Variants in WWOX observed in about 807,000 individuals in gnomAD.
WWOX encodes the protein WW domain-containing oxidoreductase.
A neutral mutation model predicts 46.2 loss-of-function variants in WWOX; 69 were observed. The observed-to-expected ratio is 1.49, with a 90% CI of 1.23 to 1.82. The LOEUF (loss-of-function observed/expected upper bound fraction) is 1.82, where lower values mean the gene tolerates loss of function less well. WWOX is among the 40% of genes most tolerant of loss of function. The pLI, the probability that WWOX is intolerant of heterozygous loss-of-function variation, is 0.00. For synonymous variants in WWOX, 359 were observed against 202.6 expected (o/e 1.77, Z -6.56); for missense variants, 919 against 542.6 (o/e 1.69, Z -6.89).
intron 8 of WWOX, among the ~76,000 whole-genome samples, chr16:78,839,496 G>T (rs573569101): frequency 6.6e-6 from 1 of 152,172 alleles, no homozygotes; most frequent in African/African-American, 2.4e-5. Flanking sequence ...TGCATTTTAT[G>T]TACAGGGCTG....
intron 5 of WWOX, among the ~76,000 whole-genome samples, chr16:78,183,367 G>T (rs564696227): frequency 1.4e-4 from 22 of 152,230 alleles, no homozygotes; most frequent in Middle Eastern, 6.8e-3. Flanking sequence ...CATCACTTTT[G>T]GGTGGCATAG....
rs539828129 is a variant in WWOX at position 78,336,495 on chromosome 16, GAC to G, written c.517-50364_517-50363del. On this transcript the variant is annotated intron_variant, in intron 5 of 8. Coordinates refer to ENST00000566780, the MANE Select transcript of WWOX (RefSeq NM_016373.4). ...CACTCTAGCCTGAACTTCAGAGAGA[GAC>G]TATGTCTCAAAAAAAAAAAAAAAAA... is the stretch of plus-strand genomic sequence containing the variant. Among the ~76,000 whole-genome samples the G allele has an allele frequency of 3.9e-3, 421 of 109,318 alleles. 2 individuals are homozygous for G. The highest frequency in any genetic ancestry group is 0.015 in the African/African-American group (389 of 25,578). The allele number at this position is 109,318 out of a possible 152,430, so 71.7% of individuals were successfully genotyped here.
At chr16:78,670,160 C>G (rs1033642473) in intron 8 of WWOX, among the ~76,000 whole-genome samples, 3 of 152,160 alleles carry the variant, frequency 2.0e-5, no homozygotes, top group East Asian at 1.9e-4. Flanking sequence ...TTATTCACCC[C>G]TTATTCTCTG....
At chr16:78,836,134 G>T (rs754133614) in intron 8 of WWOX, among the ~76,000 whole-genome samples, 1 of 151,894 alleles carries the variant, frequency 6.6e-6, no homozygotes. Context: ...TATACCGCCT[G>T]GCCTCTTCTT....
intron 4 of WWOX, among the ~76,000 whole-genome samples, chr16:78,144,472 T>TATATACAC (rs2034115871): frequency 2.6e-4 from 8 of 30,502 alleles, no homozygotes; most frequent in African/African-American, 5.9e-4. Flanking sequence ...TACACACATA[T>TATATACAC]ATATATATAT....
At chr16:78,393,315 G>C (rs570007886) in intron 6 of WWOX, among the ~76,000 whole-genome samples, 102 of 152,288 alleles carry the variant, frequency 6.7e-4, no homozygotes, top group African/African-American at 2.0e-3. Context: ...GCCTAGAAGA[G>C]TTAACAGCTC....
chr16:78,714,125 G>A (rs967355926), intron 8 of WWOX, among the ~76,000 whole-genome samples: 7 of 152,266 alleles, frequency 4.6e-5, no homozygotes, highest in Non-Finnish European at 5.9e-5. Context: ...TCCGTCTCAC[G>A]TTACAGTGCT....
chr16:78,692,879 A>C (rs2048022514), intron 8 of WWOX, among the ~76,000 whole-genome samples: 1 of 152,200 alleles, frequency 6.6e-6, no homozygotes, highest in Non-Finnish European at 1.5e-5. Context: ...GTTTATAGTA[A>C]AAACAAACAT....
intron 5 of WWOX, among the ~76,000 whole-genome samples, chr16:78,203,362 A>C (rs1351893701): frequency 6.6e-6 from 1 of 152,202 alleles, no homozygotes; most frequent in Admixed American, 6.5e-5. Flanking sequence ...AGCAAGTTTA[A>C]TGATGGGTAG....
At chr16:78,469,273 G>A (rs1254767638) in intron 8 of WWOX, among the ~76,000 whole-genome samples, 1 of 151,976 alleles carries the variant, frequency 6.6e-6, no homozygotes, top group East Asian at 1.9e-4. Context: ...TTTAAGAACT[G>A]GTACTATGAA....
chr16:79,086,032 A>C (rs914477837), intron 8 of WWOX, among the ~76,000 whole-genome samples: 2 of 151,818 alleles, frequency 1.3e-5, no homozygotes, highest in Admixed American at 6.6e-5. Flanking sequence ...TGACTGTGGC[A>C]CTGCACTTCA....
At chr16:79,110,482 G>A (rs1327715203) in intron 8 of WWOX, among the ~76,000 whole-genome samples, 1 of 152,146 alleles carries the variant, frequency 6.6e-6, no homozygotes, top group Non-Finnish European at 1.5e-5. Flanking sequence ...AGAACATGCT[G>A]TTCTCTCTGC....
At chr16:78,727,989 ATAAG>A (rs2048875636) in intron 8 of WWOX, among the ~76,000 whole-genome samples, 1 of 149,806 alleles carries the variant, frequency 6.7e-6, no homozygotes, top group Non-Finnish European at 1.5e-5. Context: ...TAATTCGTTT[ATAAG>A]TAAGAAACCT....
rs116047596 is a variant in WWOX, at chr16:78,445,608, A to G, written c.1056+12856A>G. On this transcript the variant is annotated intron_variant, in intron 8 of 8. Transcript: ENST00000566780. ...AATAATATGATCACCTTCGGTTAGT[A>G]AACAAAACAAATAGGCAAACAGGTT... is the stretch of plus-strand genomic sequence containing the variant. 2.2e-3 allele frequency among the ~76,000 whole-genome samples: 329 copies of G among 152,294 alleles called. 3 individuals carry two copies. The highest frequency in any genetic ancestry group is 7.6e-3 in the African/African-American group (314 of 41,568).
chr16:78,735,386 C>T (rs2049063720), intron 8 of WWOX, among the ~76,000 whole-genome samples: 2 of 131,218 alleles, frequency 1.5e-5, no homozygotes, highest in African/African-American at 6.9e-5. Context: ...TCATACACAC[C>T]ACACACAAAC....
At chr16:78,421,560 A>G (rs537737112) in intron 6 of WWOX, among the ~76,000 whole-genome samples, 34 of 151,962 alleles carry the variant, frequency 2.2e-4, no homozygotes, top group African/African-American at 8.2e-4. Flanking sequence ...CTACCATTCA[A>G]CTCACTATGG....
At chr16:79,143,357 T>C (rs574482861) in intron 8 of WWOX, among the ~76,000 whole-genome samples, 14 of 152,332 alleles carry the variant, frequency 9.2e-5, no homozygotes, top group African/African-American at 3.4e-4. Flanking sequence ...TATTAAAATG[T>C]CAGTGTATTT....
intron 5 of WWOX, among the ~76,000 whole-genome samples, chr16:78,319,096 G>A (rs958649227): frequency 2.0e-4 from 30 of 152,080 alleles, no homozygotes; most frequent in African/African-American, 7.2e-4. Context: ...GGGGGAGAGA[G>A]AGTCGGATGA....
chr16:78,698,350 G>T (rs62806261), intron 8 of WWOX, among the ~76,000 whole-genome samples: 52,702 of 151,768 alleles, frequency 0.35, 10,859 homozygotes, highest in Non-Finnish European at 0.46. Flanking sequence ...GGGATTTTTG[G>T]GGTATCTTCC....
Sources: allele counts gnomAD v4.1 joint callset (sites outside exome capture counted in the v4.1 genomes callset), GRCh38; gene constraint gnomAD v4.1.1; transcripts MANE v1.5; gene names NCBI Gene and HGNC (gene_info 2026-07-23, HGNC 2026-07-21).